MASTL: variants seen among roughly 807,000 people sequenced by gnomAD.
MASTL encodes the protein serine/threonine-protein kinase greatwall.
In MASTL, 54 loss-of-function variants were observed where a neutral mutation model predicts 82.5. That is an observed-to-expected ratio of 0.65 (90% CI 0.53 to 0.82). The LOEUF (loss-of-function observed/expected upper bound fraction) is 0.82, where lower values mean the gene tolerates loss of function less well. MASTL is among the 40% of genes least tolerant of loss of function. The probability of loss-of-function intolerance (pLI) is 0.00; values close to 1 mark genes in which losing one functional copy is unlikely to be tolerated. For synonymous variants in MASTL, 323 were observed against 368.9 expected (o/e 0.88, Z 1.43); for missense variants, 950 against 1,047.8 (o/e 0.91, Z 1.29).
Position 27,161,323 on chromosome 10 carries a change from C to T in MASTL, c.553+141C>T, listed in dbSNP as rs151129874. ...AGGAGTTAGAGACCAGCCTAGCTAA[C>T]GTGGCAAAACCCCATCTCTACTAAA... On this transcript the variant is annotated intron_variant, in intron 4 of 11. Coordinates refer to ENST00000375940, the MANE Select transcript of MASTL (RefSeq NM_001172303.3). 2.7e-4 allele frequency: 157 copies of T among 586,868 alleles called. 1 individual carries two copies. Among genetic ancestry groups the T allele is most frequent in the Admixed American group, 9.8e-4 (42 of 42,806 alleles). 36.4% of individuals were successfully genotyped at this position (586,868 alleles called of 1,614,324 possible).
At chr10:27,172,654 CAAA>C (rs796642250) in intron 8 of MASTL, among the ~76,000 whole-genome samples, 2 of 143,156 alleles carry the variant, frequency 1.4e-5, no homozygotes, top group Non-Finnish European at 3.1e-5. Context: ...AACTCCATCT[CAAA>C]AAAAAAAACT....
intron 4 of MASTL, among the ~76,000 whole-genome samples, chr10:27,163,486 A>T (rs1451628293): frequency 6.6e-6 from 1 of 152,206 alleles, no homozygotes; most frequent in Non-Finnish European, 1.5e-5. Context: ...TTTGTTTATC[A>T]TAAGGGTCTA....
intron 7 of MASTL, among the ~76,000 whole-genome samples, chr10:27,169,023 A>G (rs1242483069): frequency 2.6e-5 from 4 of 151,974 alleles, no homozygotes; most frequent in Non-Finnish European, 5.9e-5. Flanking sequence ...ACAAATACCC[A>G]CAGATAGTTG....
chr10:27,165,344 T>C (rs1386495166), intron 5 of MASTL, 45 bp from the exon 6 acceptor site: 5 of 1,605,082 alleles, frequency 3.1e-6, no homozygotes, highest in Non-Finnish European at 4.3e-6. Context: ...AGGTGGTGTT[T>C]TGGGGAAGGT....
intron 4 of MASTL, among the ~76,000 whole-genome samples, chr10:27,163,509 CTT>C (rs1196138168): frequency 1.3e-5 from 2 of 151,886 alleles, no homozygotes; most frequent in African/African-American, 4.8e-5. Flanking sequence ...TTTAATAAAA[CTT>C]TTTTTGTAAA....
chr10:27,183,956 C>T (rs2136219012), intron 11 of MASTL, among the ~76,000 whole-genome samples: 1 of 152,290 alleles, frequency 6.6e-6, no homozygotes. Flanking sequence ...AAGCCATCCG[C>T]CCACCTTGGC....
chr10:27,187,019 A>C lies in MASTL; in HGVS notation c.*483A>C. 1 of 208,434 alleles carries C rather than the reference A, an allele frequency of 4.8e-6. No homozygotes were observed. The highest frequency in any genetic ancestry group is 9.7e-6 in the Non-Finnish European group (1 of 102,960). The allele number at this position is 208,434 out of a possible 1,614,324, so 12.9% of individuals were successfully genotyped here. A position where few individuals can be genotyped will look rare whatever the true frequency, so the allele number is the denominator to read the frequency against. ...TTGTGACCTCAGAAATGCAGCTGGA[A>C]GGCCGGGCGCAGTGGCTCACGCATG... On this transcript the variant is annotated 3_prime_UTR_variant, in exon 12 of 12. Transcript: ENST00000375940.
chr10:27,181,614 T>C, intron 11 of MASTL, 33 bp downstream of exon 11: 1 of 1,494,270 alleles, frequency 6.7e-7, no homozygotes, highest in Admixed American at 1.7e-5. Flanking sequence ...TGTTTTACCA[T>C]TGATTTTTTG....
rs1202412552 is a variant in MASTL, at chr10:27,173,381, C to G, written c.2266+122C>G. On this transcript the variant is annotated intron_variant, in intron 9 of 11. Coordinates refer to ENST00000375940, the MANE Select transcript of MASTL (RefSeq NM_001172303.3). Reference sequence around the variant, plus strand: ...CTAAAGTAAAAGAAAATGAACTCATCTAGTATATATATGGCATTTGTCATA... The same window carrying G: ...CTAAAGTAAAAGAAAATGAACTCATGTAGTATATATATGGCATTTGTCATA... 3 of 1,050,042 alleles carry G rather than the reference C, an allele frequency of 2.9e-6. No homozygotes were observed. In the African/African-American group the frequency reaches 4.7e-5, roughly 17 times the overall value. The allele number at this position is 1,050,042 out of a possible 1,614,324, so 65.0% of individuals were successfully genotyped here.
rs1462388910 is a variant in MASTL at position 27,170,241 on chromosome 10, G to A, written c.1282G>A (p.Val428Met). 6.2e-7 allele frequency: 1 copy of A among 1,614,094 alleles called. No individual in the cohort carries two copies. The highest frequency in any genetic ancestry group is 1.3e-5 in the African/African-American group (1 of 75,048). ...LGFHQSNQWA[V>M]DSGGISEEHL... Reference sequence around the variant, plus strand: ...TTTCCATCAGTCAAATCAGTGGGCTGTGGATTCTGGTGGGATATCTGAAGA... The same window carrying A: ...TTTCCATCAGTCAAATCAGTGGGCTATGGATTCTGGTGGGATATCTGAAGA... Residue 428 changes from valine to methionine, a missense_variant, in exon 8 of 12, where the codon GTG becomes ATG. Physicochemically the swap from Val to Met is conservative, Grantham distance 21 (BLOSUM62 1). Transcript: ENST00000375940.
rs949279142 is a variant in MASTL at position 27,171,067 on chromosome 10, C to G, written c.2108C>G (p.Ser703Cys). 35 of 1,613,742 alleles carry G rather than the reference C, an allele frequency of 2.2e-5. No individual in the cohort carries two copies. Among genetic ancestry groups the G allele is most frequent in the Non-Finnish European group, 2.5e-5 (30 of 1,179,838 alleles). Residue 703 changes from serine to cysteine, a missense_variant, in exon 8 of 12, where the codon TCC becomes TGC. Physicochemically the swap from Ser to Cys is moderately radical, Grantham distance 112. Coordinates refer to ENST00000375940, the MANE Select transcript of MASTL (RefSeq NM_001172303.3). ...ATAACCCCTACTCAAAAAAGAAGAT[C>G]CTGTATGCCACATCAGGTATATTTA... ...MAITPTQKRR[S>C]CMPHQQTPNQ...
At chr10:27,183,298 T>C (rs1167442829) in intron 11 of MASTL, among the ~76,000 whole-genome samples, 1 of 145,086 alleles carries the variant, frequency 6.9e-6, no homozygotes, top group Non-Finnish European at 1.5e-5. Context: ...TTGTTGTTGT[T>C]GAGACAGAGA....
rs28941470 is a variant in MASTL, at chr10:27,161,130, G to C, written c.501G>C (p.Glu167Asp). Residue 167 changes from glutamate to aspartate, a missense_variant, in exon 4 of 12, where the codon GAG becomes GAC. By Grantham distance (45) the Glu-to-Asp change is conservative. Transcript: ENST00000375940. ...CGGACAATATGCTTATTTCTAATGA[G>C]GGTCATATTAAACTGACGGATTTTG... ...LKPDNMLISN[E>D]GHIKLTDFGL... 20 of 1,613,074 alleles carry C rather than the reference G, an allele frequency of 1.2e-5. No homozygotes were observed. The highest frequency in any genetic ancestry group is 2.7e-5 in the African/African-American group (2 of 74,856).
At chr10:27,155,667 G>C (rs2057338037) in intron 1 of MASTL, 55 bp downstream of exon 1, 1 of 1,597,632 alleles carries the variant, frequency 6.3e-7, no homozygotes, top group African/African-American at 1.3e-5. Context: ...CCTCCTTCCT[G>C]CCCCACCGGC....
At position 27,169,750 on chromosome 10, in the gene MASTL, C is replaced by T. The variant is rs34743977; in HGVS notation, c.985-194C>T. 0.08 allele frequency among the ~76,000 whole-genome samples: 12,140 copies of T among 152,112 alleles called. 717 individuals carry two copies. Among genetic ancestry groups the T allele is most frequent in the East Asian group, 0.29 (1,496 of 5,168 alleles). On this transcript the variant is annotated intron_variant, in intron 7 of 11. Transcript: ENST00000375940. ...TATTTAAAGTTTAGACCGTTTCATT[C>T]AGAATAATGTATATAAGCTTATAAT... is the stretch of plus-strand genomic sequence containing the variant.
At chr10:27,160,751 CA>C (rs879457054) in intron 3 of MASTL, among the ~76,000 whole-genome samples, 57 of 112,198 alleles carry the variant, frequency 5.1e-4, no homozygotes, top group Admixed American at 6.6e-4. Flanking sequence ...AACTCCATCT[CA>C]AAAAAAAAAA....
chr10:27,169,973 G>A lies in MASTL; in HGVS notation c.1014G>A (p.Met338Ile), dbSNP rs767053362. 3.1e-6 allele frequency: 5 copies of A among 1,614,076 alleles called. 2 individuals carry two copies. The South Asian group carries it at 5.5e-5, about 18-fold the overall frequency. The change falls in exon 8 of 12, where the codon ATG (methionine) becomes ATA (isoleucine). Residue 338 changes from methionine (M) to isoleucine (I), a missense_variant. Coordinates refer to ENST00000375940, the MANE Select transcript of MASTL (RefSeq NM_001172303.3). ...QESDEALGPT[M>I]MSWNAVEKLC... Reference sequence around the variant, plus strand: ...GTGATGAAGCATTGGGCCCAACAATGATGAGTTGGAATGCAGTTGAAAAGT... The same window carrying A: ...GTGATGAAGCATTGGGCCCAACAATAATGAGTTGGAATGCAGTTGAAAAGT...
upstream of MASTL, chr10:27,155,294 A>C (rs1472013572): frequency 4.6e-6 from 4 of 862,938 alleles, no homozygotes; most frequent in African/African-American, 6.8e-5. Flanking sequence ...GGAGGTGACG[A>C]GGGCGGGGCG....
Position 27,170,380 on chromosome 10 carries a change from C to A in MASTL, c.1421C>A (p.Thr474Lys), listed in dbSNP as rs576809011. 1 of 1,613,866 alleles carries A rather than the reference C, an allele frequency of 6.2e-7. No individual in the cohort carries two copies. The highest frequency in any genetic ancestry group is 1.7e-5 in the Admixed American group (1 of 59,992). Residue 474 changes from threonine (T) to lysine (K), a missense_variant, in exon 8 of 12, where the codon ACA becomes AAA. Transcript: ENST00000375940. ...GTAGAGTATAAGCATAACGAAATGACAAATTGTTATACAAATCAAAATACA... is the reference window on the plus strand; with the variant it reads ...GTAGAGTATAAGCATAACGAAATGAAAAATTGTTATACAAATCAAAATACA... ...TCVEYKHNEM[T>K]NCYTNQNTGL... is the part of the protein sequence containing the mutation.
Sources: gnomAD v4.1 joint callset for allele counts (sites outside exome capture counted in the v4.1 genomes callset) on GRCh38, gnomAD v4.1.1 for gene constraint, MANE v1.5 for transcripts, NCBI Gene and HGNC (gene_info 2026-07-23, HGNC 2026-07-21) for gene names.